Variants in HDAC9 observed in about 807,000 individuals in gnomAD.
HDAC9 encodes the protein histone deacetylase 9, also known as MEF-2 interacting transcription repressor (MITR) protein.
A neutral mutation model predicts 139.4 loss-of-function variants in HDAC9; 41 were observed. The observed-to-expected ratio is 0.29, with a 90% CI of 0.23 to 0.38. The LOEUF is 0.38. Ranked by LOEUF, HDAC9 falls within the 10% of genes least tolerant of loss-of-function variation. The pLI, the probability that HDAC9 is intolerant of heterozygous loss-of-function variation, is 1.00. For synonymous variants in HDAC9, 517 were observed against 476.2 expected (o/e 1.09, Z -1.12); for missense variants, 1,147 against 1,297.0 (o/e 0.88, Z 1.78).
intron 2 of HDAC9, among the ~76,000 whole-genome samples, chr7:18,165,536 C>A (rs1325027905): frequency 2.0e-5 from 3 of 152,106 alleles, no homozygotes; most frequent in Non-Finnish European, 2.9e-5. Context: ...CCTGTAATCC[C>A]AGCAGTTTGA....
chr7:18,178,257 G>A (rs1789105169), intron 2 of HDAC9, among the ~76,000 whole-genome samples: 1 of 152,152 alleles, frequency 6.6e-6, no homozygotes, highest in African/African-American at 2.4e-5. Context: ...TAATTGTTTT[G>A]TATTTTTAGT....
chr7:18,775,290 A>G (rs987087037), intron 16 of HDAC9, among the ~76,000 whole-genome samples: 1 of 152,100 alleles, frequency 6.6e-6, no homozygotes, highest in African/African-American at 2.4e-5. Context: ...AAGTGAGCAC[A>G]TGCTGCTGGA....
At chr7:18,842,253 G>T (rs192732455) in intron 21 of HDAC9, among the ~76,000 whole-genome samples, 3 of 151,958 alleles carry the variant, frequency 2.0e-5, no homozygotes, top group Non-Finnish European at 2.9e-5. Context: ...TGAGAAAGAG[G>T]GTGGAGTTTC....
chr7:18,801,166 A>G (rs549700068), intron 17 of HDAC9, among the ~76,000 whole-genome samples: 44 of 152,222 alleles, frequency 2.9e-4, no homozygotes, highest in South Asian at 1.0e-3. Context: ...ACAATTGAAC[A>G]TGGTGAGTAT....
At chr7:18,437,538 TATATAATCTGGA>T (rs1791322359) in intron 1 of HDAC9, among the ~76,000 whole-genome samples, 1 of 150,222 alleles carries the variant, frequency 6.7e-6, no homozygotes, top group Non-Finnish European at 1.5e-5. Flanking sequence ...TGTATATATA[TATATAATCTGGA>T]AATTATATAT....
chr7:18,373,878 G>C (rs533352224), intron 1 of HDAC9, among the ~76,000 whole-genome samples: 10 of 151,706 alleles, frequency 6.6e-5, no homozygotes, highest in South Asian at 4.2e-4. Context: ...TTTTTTTTGT[G>C]GTTGACATTT....
chr7:18,441,963 G>T lies in HDAC9; in HGVS notation c.-41-54299G>T, dbSNP rs189364121. 8.2e-3 allele frequency among the ~76,000 whole-genome samples: 1,252 copies of T among 152,166 alleles called. 15 individuals carry two copies. Among genetic ancestry groups the T allele is most frequent in the African/African-American group, 0.029 (1,200 of 41,502 alleles). On this transcript the variant is annotated intron_variant, in intron 1 of 3. Coordinates refer to the HDAC9 transcript ENST00000413509. ...TTTTTTGTATTTTTAGTAGAGACAGGGTTTCACTGTATTTGCCAGGATGGT... is the reference window on the plus strand; with the variant it reads ...TTTTTTGTATTTTTAGTAGAGACAGTGTTTCACTGTATTTGCCAGGATGGT...
chr7:18,801,129 G>A (rs1793251382), intron 17 of HDAC9, among the ~76,000 whole-genome samples: 2 of 151,700 alleles, frequency 1.3e-5, no homozygotes, highest in South Asian at 4.1e-4. Flanking sequence ...TATTACATGG[G>A]CTAAAATCTC....
At chr7:18,967,213 G>T (rs1338784985) in intron 24 of HDAC9, among the ~76,000 whole-genome samples, 1 of 152,150 alleles carries the variant, frequency 6.6e-6, no homozygotes, top group African/African-American at 2.4e-5. Flanking sequence ...AAGTGCAGTT[G>T]CAGAGGGTGC....
At chr7:18,762,890 A>C (rs1396106865) in intron 15 of HDAC9, among the ~76,000 whole-genome samples, 1 of 152,208 alleles carries the variant, frequency 6.6e-6, no homozygotes, top group Non-Finnish European at 1.5e-5. Context: ...AATAAAATTT[A>C]TATTGCAGAA....
At chr7:18,993,422 G>A (rs1423043507) in intron 25 of HDAC9, among the ~76,000 whole-genome samples, 1 of 152,138 alleles carries the variant, frequency 6.6e-6, no homozygotes, top group Non-Finnish European at 1.5e-5. Context: ...TAAAACAGCT[G>A]GGACTTGAAC....
intron 25 of HDAC9, among the ~76,000 whole-genome samples, chr7:18,988,476 C>T (rs1290113480): frequency 3.3e-5 from 5 of 151,556 alleles, no homozygotes; most frequent in Non-Finnish European, 7.4e-5. Context: ...GAGAGCTTTA[C>T]TTCCAAGTAT....
chr7:18,762,093 G>C, intron 14 of HDAC9, 64 bp from the exon 15 acceptor site: 1 of 1,556,114 alleles, frequency 6.4e-7, no homozygotes. Flanking sequence ...AATGTGACTT[G>C]GGGTCTCATT....
intron 22 of HDAC9, among the ~76,000 whole-genome samples, chr7:18,913,548 A>G (rs1585296692): frequency 6.6e-6 from 1 of 151,882 alleles, no homozygotes; most frequent in South Asian, 2.1e-4. Flanking sequence ...TTTCCTTTGG[A>G]CTCCATGTGC....
chr7:18,854,041 A>G (rs1797495538), intron 21 of HDAC9, among the ~76,000 whole-genome samples: 1 of 152,222 alleles, frequency 6.6e-6, no homozygotes, highest in Admixed American at 6.5e-5. Flanking sequence ...TTCCTCTAGT[A>G]TAAATAAATA....
chr7:18,157,804 TGAGAGAGAGA>T (rs67690215), intron 1 of HDAC9, among the ~76,000 whole-genome samples: 7,809 of 109,460 alleles, frequency 0.071, 256 homozygotes, highest in East Asian at 0.1. Context: ...TTCTAAGGCA[TGAGAGAGAGA>T]GAGAGAGAGA....
chr7:18,160,762 GC>G (rs1787573175), intron 1 of HDAC9, among the ~76,000 whole-genome samples: 1 of 151,922 alleles, frequency 6.6e-6, no homozygotes, highest in East Asian at 1.9e-4. Context: ...GATTACAGGC[GC>G]CCACCACCAT....
At chr7:18,810,499 A>G (rs987170341) in intron 17 of HDAC9, among the ~76,000 whole-genome samples, 2 of 151,856 alleles carry the variant, frequency 1.3e-5, no homozygotes, top group Non-Finnish European at 2.9e-5. Context: ...ATCCATTGAT[A>G]TTTTTCAGAA....
At chr7:18,179,213 A>C (rs897641545) in intron 2 of HDAC9, among the ~76,000 whole-genome samples, 7 of 152,226 alleles carry the variant, frequency 4.6e-5, no homozygotes, top group African/African-American at 1.7e-4. Context: ...TTTGTCACAC[A>C]CATAGCAAGT....
Sources: allele counts gnomAD v4.1 joint callset (sites outside exome capture counted in the v4.1 genomes callset), GRCh38; gene constraint gnomAD v4.1.1; transcripts MANE v1.5; gene names NCBI Gene and HGNC (gene_info 2026-07-23, HGNC 2026-07-21).